The following LRRN1 variants were observed in gnomAD, a reference collection of about 807,000 sequenced individuals.
The protein encoded by LRRN1 is leucine-rich repeat neuronal protein 1.
A neutral mutation model predicts 45.8 loss-of-function variants in LRRN1; 14 were observed. The observed-to-expected ratio is 0.31, with a 90% CI of 0.20 to 0.48. The LOEUF is 0.48. LRRN1 is among the 20% of genes least tolerant of loss of function. The pLI is 0.99. For missense variants in LRRN1, 789 were observed against 874.2 expected, an observed-to-expected ratio of 0.90 and a Z score of 1.23; for synonymous variants, 359 against 330.1, an observed-to-expected ratio of 1.09 and a Z score of -0.95.
intron 1 of LRRN1, among the ~76,000 whole-genome samples, chr3:3,839,149 G>T (rs1347419842): frequency 2.0e-5 from 3 of 152,092 alleles, no homozygotes; most frequent in South Asian, 4.1e-4. Flanking sequence ...TTATGGTTAG[G>T]TCTTTAATGC....
chr3:3,847,985 G>GTA lies in LRRN1; in HGVS notation c.*1203_*1204dup, dbSNP rs765613981. Among the ~76,000 whole-genome samples the GTA allele has an allele frequency of 2.2e-4, 33 of 151,782 alleles. No individual in the cohort carries two copies. The highest frequency in any genetic ancestry group is 4.2e-4 in the South Asian group (2 of 4,792). ...CCAACCTGTCACACACAATGCGTGT[G>GTA]TATATATATATGAATATATTGGATA... On this transcript the variant is annotated 3_prime_UTR_variant, in exon 2 of 2. Transcript: ENST00000319331.
chr3:3,841,508 T>C (rs759495081), intron 1 of LRRN1, among the ~76,000 whole-genome samples: 1 of 151,578 alleles, frequency 6.6e-6, no homozygotes, highest in African/African-American at 2.4e-5. Context: ...TTATTCTCTG[T>C]GGTATGTTTT....
At chr3:3,826,371 A>G (rs534570580) in intron 1 of LRRN1, among the ~76,000 whole-genome samples, 30 of 152,294 alleles carry the variant, frequency 2.0e-4, no homozygotes, top group African/African-American at 7.2e-4. Flanking sequence ...GAAAAATAAA[A>G]TAGGATACAA....
chr3:3,845,283 C>T lies in LRRN1; in HGVS notation c.642C>T (p.Leu214=), dbSNP rs755383292. The change falls in exon 2 of 2, where the codon CTC becomes CTT. Residue 214 remains leucine, a synonymous_variant. Transcript: ENST00000319331. The surrounding 1 kb of genome is among the most constrained non-coding windows in gnomAD (Gnocchi z 6.5). ...IGILDMNFKP[L]ANLRSLVLAG... is the part of the protein sequence containing the mutation. ...TTCTGGATATGAACTTCAAACCCCT[C>T]GCAAATTTGAGAAGCTTAGTTTTGG... The T allele has an allele frequency of 4.3e-6, 7 of 1,613,958 alleles. No homozygotes were observed. The African/African-American group carries it at 5.3e-5, about 12-fold the overall frequency.
In LRRN1 at chr3:3,844,682, T is replaced by C. The variant is rs745748989; in HGVS notation, c.41T>C (p.Val14Ala). 1.1e-5 allele frequency: 18 copies of C among 1,613,900 alleles called. No homozygotes were observed. Among genetic ancestry groups the C allele is most frequent in the South Asian group, 2.2e-5 (2 of 91,072 alleles). Residue 14 changes from valine to alanine, a missense_variant, in exon 2 of 2, where the codon GTG becomes GCG. Physicochemically the swap from Val to Ala is moderately conservative, Grantham distance 64. Coordinates refer to ENST00000319331, the MANE Select transcript of LRRN1 (RefSeq NM_020873.7). The part of the protein sequence containing the change: ...MSFVIAACQL[V>A]LGLLMTSLTE... ...TTTGTTATAGCAGCTTGCCAATTGG[T>C]GCTGGGCCTACTAATGACTTCATTA...
In LRRN1 at chr3:3,845,440, T is replaced by G. The variant is rs1472218629; in HGVS notation, c.799T>G (p.Phe267Val). ...LALQKVPNLK[F>V]LDLNKNPIHK... ...CCTGCAAAAAGTTCCAAATTTGAAA[T>G]TCTTAGACCTCAACAAAAACCCCAT... Residue 267 changes from phenylalanine to valine, a missense_variant, in exon 2 of 2, where the codon TTC becomes GTC. Physicochemically the swap from Phe to Val is conservative, Grantham distance 50. Coordinates refer to ENST00000319331, the MANE Select transcript of LRRN1 (RefSeq NM_020873.7). This position sits in a 1 kb window ranked among gnomAD's most constrained non-coding sequence, Gnocchi z 6.5. 6.2e-7 allele frequency: 1 copy of G among 1,614,142 alleles called. No individual in the cohort carries two copies. The highest frequency in any genetic ancestry group is 8.5e-7 in the Non-Finnish European group (1 of 1,180,020).
chr3:3,844,284 C>T (rs953200467), intron 1 of LRRN1, 80 bp from the exon 2 acceptor site: 4 of 175,076 alleles, frequency 2.3e-5, no homozygotes, highest in African/African-American at 9.5e-5. Flanking sequence ...GTGACTATGC[C>T]TTTTTAGTAA....
At chr3:3,832,772 A>G (rs1054778268) in intron 1 of LRRN1, among the ~76,000 whole-genome samples, 1 of 152,174 alleles carries the variant, frequency 6.6e-6, no homozygotes, top group Non-Finnish European at 1.5e-5. Context: ...CTCTGTTTTT[A>G]TAATTCAAAT....
chr3:3,825,014 A>G (rs115379531), intron 1 of LRRN1, among the ~76,000 whole-genome samples: 2,204 of 152,266 alleles, frequency 0.014, 53 homozygotes, highest in African/African-American at 0.05. Context: ...TTGAAGTCAA[A>G]TCAGACTCTG....
Position 3,819,004 on chromosome 3 carries a change from T to C in LRRN1, c.-279+19085T>C, listed in dbSNP as rs571939183. The stretch of plus-strand genomic sequence containing the variant: ...TATTAATTAACTACTTTACTTTTAT[T>C]TTTTTTGAGACAAGAGTCTCACTCT... On this transcript the variant is annotated intron_variant, in intron 1 of 1. Coordinates refer to ENST00000319331, the MANE Select transcript of LRRN1 (RefSeq NM_020873.7). Among the ~76,000 whole-genome samples, 463 of 152,212 alleles carry C rather than the reference T, an allele frequency of 3.0e-3. 2 individuals carry two copies. The highest frequency in any genetic ancestry group is 0.01 in the African/African-American group (425 of 41,542).
At chr3:3,842,344 AC>A (rs1693668935) in intron 1 of LRRN1, among the ~76,000 whole-genome samples, 1 of 151,838 alleles carries the variant, frequency 6.6e-6, no homozygotes, top group Non-Finnish European at 1.5e-5. Context: ...GTATCAGGCA[AC>A]ACACTTATAC....
rs778186946 is a variant in LRRN1, at chr3:3,830,860, G to A, written c.-278-13504G>A. 7.2e-4 allele frequency among the ~76,000 whole-genome samples: 110 copies of A among 152,316 alleles called. 1 individual carries two copies. Among genetic ancestry groups the A allele is most frequent in the Non-Finnish European group, 4.1e-4 (28 of 68,028 alleles). ...TTGGTGACCCATGGTCAAACGTTCA[G>A]TTTCCACCAAAGCCTAGTAACAGGC... On this transcript the variant is annotated intron_variant, in intron 1 of 1. Transcript: ENST00000319331.
chr3:3,845,708 C>G lies in LRRN1; in HGVS notation c.1067C>G (p.Thr356Arg). The change falls in exon 2 of 2, where the codon ACA becomes AGA. Residue 356 changes from threonine (T) to arginine (R), a missense_variant. By Grantham distance (71) the Thr-to-Arg change is moderately conservative (BLOSUM62 -1). Coordinates refer to ENST00000319331, the MANE Select transcript of LRRN1 (RefSeq NM_020873.7). This position sits in a 1 kb window ranked among gnomAD's most constrained non-coding sequence, Gnocchi z 6.5. ...NNALNAIYQK[T>R]VESLPNLREI... ...GCCTTGAATGCCATTTACCAAAAGA[C>G]AGTCGAATCCCTCCCCAATCTGCGT... is the stretch of plus-strand genomic sequence containing the variant. 1 of 1,614,076 alleles carries G rather than the reference C, an allele frequency of 6.2e-7. No individual in the cohort carries two copies. Among genetic ancestry groups the G allele is most frequent in the Non-Finnish European group, 8.5e-7 (1 of 1,180,022 alleles).
chr3:3,817,552 A>G (rs1342191867), intron 1 of LRRN1, among the ~76,000 whole-genome samples: 1 of 152,182 alleles, frequency 6.6e-6, no homozygotes, highest in Non-Finnish European at 1.5e-5. Context: ...TGTGGAAGGG[A>G]TATGTTCTTG....
chr3:3,820,674 G>C (rs1246957283), intron 1 of LRRN1, among the ~76,000 whole-genome samples: 2 of 152,210 alleles, frequency 1.3e-5, no homozygotes, highest in Admixed American at 6.5e-5. Context: ...GACAGGCTTT[G>C]TTCTCGCAGG....
intron 1 of LRRN1, among the ~76,000 whole-genome samples, chr3:3,818,006 G>C (rs1303319784): frequency 6.6e-6 from 1 of 152,214 alleles, no homozygotes; most frequent in African/African-American, 2.4e-5. Context: ...GGCACTTTCA[G>C]TGCCCACAGT....
intron 1 of LRRN1, among the ~76,000 whole-genome samples, chr3:3,809,288 T>A (rs1692828519): frequency 6.6e-6 from 1 of 152,044 alleles, no homozygotes; most frequent in Non-Finnish European, 1.5e-5. Flanking sequence ...GGATCACAGG[T>A]GCCTGCCACC....
At chr3:3,808,565 G>C (rs1271892505) in intron 1 of LRRN1, among the ~76,000 whole-genome samples, 1 of 152,194 alleles carries the variant, frequency 6.6e-6, no homozygotes, top group East Asian at 1.9e-4. Context: ...TTCAAGAACT[G>C]CCTCTGTGAC....
intron 1 of LRRN1, among the ~76,000 whole-genome samples, chr3:3,820,742 C>G (rs1042637147): frequency 1.3e-5 from 2 of 152,194 alleles, no homozygotes; most frequent in African/African-American, 4.8e-5. Flanking sequence ...GTGATGTACT[C>G]TGGTTGTTGT....
Sources: allele counts gnomAD v4.1 joint callset (sites outside exome capture counted in the v4.1 genomes callset), GRCh38; gene constraint gnomAD v4.1.1; non-coding constraint Gnocchi (gnomAD v3.1); transcripts MANE v1.5; gene names NCBI Gene and HGNC (gene_info 2026-07-23, HGNC 2026-07-21).